The following SCUBE1 variants were observed in gnomAD, a reference collection of about 807,000 sequenced individuals.
SCUBE1 encodes signal peptide, CUB domain and EGF like domain containing 1, also known as signal peptide, CUB and EGF-like domain-containing protein 1.
Under a neutral mutation model 124.4 loss-of-function variants are expected in SCUBE1, and 59 were observed. The observed-to-expected ratio is 0.47, with a 90% CI of 0.38 to 0.59. The LOEUF is 0.59. Among genes scored for constraint, SCUBE1 ranks in the 20% least tolerant of loss-of-function variants. The pLI, the probability that SCUBE1 is intolerant of heterozygous loss-of-function variation, is 0.00. For missense variants in SCUBE1, 1,150 were observed against 1,371.2 expected (o/e 0.84, Z 2.55); for synonymous variants, 545 against 550.9 (o/e 0.99, Z 0.15).
At chr22:43,319,832 G>A in intron 3 of SCUBE1, 105 bp downstream of exon 3, 2 of 1,406,692 alleles carry the variant, frequency 1.4e-6, no homozygotes, top group Non-Finnish European at 1.9e-6. Context: ...ACTAATACAG[G>A]AAGCCAAAGG....
At chr22:43,208,311 C>G in intron 19 of SCUBE1, 87 bp from the exon 20 acceptor site, 1 of 1,286,488 alleles carries the variant, frequency 7.8e-7, no homozygotes, top group Non-Finnish European at 1.1e-6. Flanking sequence ...GTCCACCACC[C>G]AGCACCTGCA....
chr22:43,245,980 G>A (rs566933066), intron 6 of SCUBE1, among the ~76,000 whole-genome samples: 2 of 152,282 alleles, frequency 1.3e-5, no homozygotes, highest in Admixed American at 6.5e-5. Flanking sequence ...ATGGAGGGAC[G>A]GTGCCCTGCA....
intron 4 of SCUBE1, among the ~76,000 whole-genome samples, chr22:43,275,122 T>C (rs1017917320): frequency 6.6e-6 from 1 of 152,024 alleles, no homozygotes; most frequent in African/African-American, 2.4e-5. Flanking sequence ...GGGAAAGGTG[T>C]TCTGGAGCAG....
At chr22:43,218,950 C>T (rs766206278) in intron 14 of SCUBE1, among the ~76,000 whole-genome samples, 4 of 152,256 alleles carry the variant, frequency 2.6e-5, no homozygotes, top group Admixed American at 6.5e-5. Flanking sequence ...CTCCTCCTCT[C>T]TCTGACCTCT....
At chr22:43,341,360 G>T (rs1205956410) in intron 1 of SCUBE1, among the ~76,000 whole-genome samples, 1 of 152,230 alleles carries the variant, frequency 6.6e-6, no homozygotes, top group Non-Finnish European at 1.5e-5. Flanking sequence ...GGGACCCAGA[G>T]GCCAGAGAGG....
chr22:43,273,847 A>G (rs546356858), intron 4 of SCUBE1, among the ~76,000 whole-genome samples: 1 of 152,216 alleles, frequency 6.6e-6, no homozygotes, highest in East Asian at 1.9e-4. Flanking sequence ...TGCTGGGATT[A>G]CAGGTGTGAG....
intron 21 of SCUBE1, among the ~76,000 whole-genome samples, chr22:43,207,261 G>A (rs940294118): frequency 2.0e-5 from 3 of 152,160 alleles, no homozygotes; most frequent in African/African-American, 7.2e-5. Flanking sequence ...GCTGTGAGCT[G>A]GTGAGGAATG....
At chr22:43,228,421 G>C (rs1922413091) in intron 9 of SCUBE1, among the ~76,000 whole-genome samples, 1 of 152,158 alleles carries the variant, frequency 6.6e-6, no homozygotes, top group African/African-American at 2.4e-5. Context: ...GGTCACTGGG[G>C]CATCTAGTTC....
chr22:43,263,221 G>T (rs1240326252), intron 4 of SCUBE1, among the ~76,000 whole-genome samples: 2 of 152,154 alleles, frequency 1.3e-5, no homozygotes, highest in Non-Finnish European at 2.9e-5. Context: ...AGCCACCCAT[G>T]GTTCTAGGGT....
In SCUBE1 at chr22:43,223,175, C is replaced by A. The variant is rs564155798; in HGVS notation, c.1249G>T (p.Ala417Ser). The change falls in exon 11 of 22, where the codon GCC becomes TCC. Residue 417 changes from alanine (A) to serine (S), a missense_variant. Physicochemically the swap from Ala to Ser is moderately conservative, Grantham distance 99. Around this residue, in one of 3 missense-constraint regions of SCUBE1, gnomAD observed 757 missense variants for 840.9 expected, o/e 0.90. Coordinates refer to ENST00000360835, the MANE Select transcript of SCUBE1 (RefSeq NM_173050.5). ...CLSRAKTSPR[A>S]QLSCSKAGGV... The stretch of plus-strand genomic sequence containing the variant: ...CCTGCCTTGCTGCAGGACAGCTGGG[C>A]CCGGGGGGAGGTCTTGGCGCGAGAA... 2 of 1,568,860 alleles carry A rather than the reference C, an allele frequency of 1.3e-6. No individual in the cohort carries two copies. Among genetic ancestry groups the A allele is most frequent in the Non-Finnish European group, 1.7e-6 (2 of 1,166,452 alleles).
rs1328388521 is a variant in SCUBE1, at chr22:43,343,329, C to T, written c.-68G>A. The T allele has an allele frequency of 7.7e-6, 6 of 783,640 alleles. No individual in the cohort carries two copies. In the South Asian group the frequency reaches 1.8e-4, roughly 23 times the overall value. The allele number at this position is 783,640 out of a possible 1,614,324, so 48.5% of individuals were successfully genotyped here. A position where few individuals can be genotyped will look rare whatever the true frequency, so the allele number is the denominator to read the frequency against. ...GGGGACCCGACCGACCGGCCGCTCC[C>T]GCAGGCGCTGCTCGCTGCTCGCCGC... On this transcript the variant is annotated 5_prime_UTR_variant, in exon 1 of 22. Transcript: ENST00000360835.
At chr22:43,337,626 C>T (rs958217534) in intron 2 of SCUBE1, among the ~76,000 whole-genome samples, 5 of 152,230 alleles carry the variant, frequency 3.3e-5, no homozygotes, top group Non-Finnish European at 5.9e-5. Context: ...ACTTTGGGTT[C>T]TGGGCCCTGA....
intron 17 of SCUBE1, 33 bp downstream of exon 17, chr22:43,212,392 G>T: frequency 6.5e-7 from 1 of 1,545,224 alleles, no homozygotes; most frequent in Admixed American, 2.0e-5. Flanking sequence ...TGCCTCTCGG[G>T]GTGGGCGGGC....
At chr22:43,300,612 T>C (rs745308257) in intron 3 of SCUBE1, among the ~76,000 whole-genome samples, 2 of 152,146 alleles carry the variant, frequency 1.3e-5, no homozygotes, top group African/African-American at 2.4e-5. Context: ...AAGAGTTCTT[T>C]ATACATCCTG....
intron 3 of SCUBE1, among the ~76,000 whole-genome samples, chr22:43,298,014 C>A (rs993563602): frequency 6.6e-6 from 1 of 152,246 alleles, no homozygotes; most frequent in South Asian, 2.1e-4. Context: ...GCACGGAGAG[C>A]TCCCACCTGG....
chr22:43,264,106 C>T (rs548707102), intron 4 of SCUBE1, among the ~76,000 whole-genome samples: 11 of 152,306 alleles, frequency 7.2e-5, no homozygotes, highest in South Asian at 4.1e-4. Context: ...AGGGAGATGT[C>T]GCCAAGGGTA....
At chr22:43,277,657 T>A (rs1212318192) in intron 4 of SCUBE1, among the ~76,000 whole-genome samples, 1 of 152,182 alleles carries the variant, frequency 6.6e-6, no homozygotes, top group Non-Finnish European at 1.5e-5. Flanking sequence ...ACCTGCAAAA[T>A]GGGGTAGCTA....
In SCUBE1 at chr22:43,238,970, G is replaced by T. The variant is rs1922886573; in HGVS notation, c.728-16C>A. ...GCGCACGTCTCTGGGGAGGGAAAGAGACAGAGACCTCAGTTTCCTTGGACA... is the reference window on the plus strand; with the variant it reads ...GCGCACGTCTCTGGGGAGGGAAAGATACAGAGACCTCAGTTTCCTTGGACA... On this transcript the variant is annotated splice_polypyrimidine_tract_variant and intron_variant, in intron 6 of 21. Transcript: ENST00000360835. The T allele has an allele frequency of 8.2e-6, 13 of 1,590,356 alleles. No individual in the cohort carries two copies. The East Asian group carries it at 2.9e-4, about 36-fold the overall frequency.
chr22:43,283,696 TG>T (rs1460357392), intron 4 of SCUBE1: 1 of 152,272 alleles, frequency 6.6e-6, no homozygotes, highest in African/African-American at 2.4e-5. Flanking sequence ...GCTACCGGTC[TG>T]GATGTTAAAC....
Sources: allele counts gnomAD v4.1 joint callset (sites outside exome capture counted in the v4.1 genomes callset), GRCh38; gene constraint gnomAD v4.1.1; regional missense constraint gnomAD v4.1.1; transcripts MANE v1.5; gene names NCBI Gene and HGNC (gene_info 2026-07-23, HGNC 2026-07-21).